Variants in FER1L6 observed in about 807,000 individuals in gnomAD.
The protein encoded by FER1L6 is fer-1-like protein 6.
Under a neutral mutation model 219.2 loss-of-function variants are expected in FER1L6, and 177 were observed. That is an observed-to-expected ratio of 0.81 (90% CI 0.71 to 0.91). The LOEUF is 0.91. FER1L6 is among the 40% of genes least tolerant of loss of function. The pLI, the probability that FER1L6 is intolerant of heterozygous loss-of-function variation, is 0.00. For synonymous variants in FER1L6, 768 were observed against 824.3 expected, an observed-to-expected ratio of 0.93 and a Z score of 1.17; for missense variants, 2,153 against 2,259.9, an observed-to-expected ratio of 0.95 and a Z score of 0.96.
chr8:124,038,834 C>T (rs2130722359), intron 19 of FER1L6, among the ~76,000 whole-genome samples: 1 of 152,232 alleles, frequency 6.6e-6, no homozygotes, highest in South Asian at 2.1e-4. Flanking sequence ...CAAGTTAGTC[C>T]ACAAGAGCTT....
At chr8:124,079,520 A>G (rs1821442997) in intron 32 of FER1L6, among the ~76,000 whole-genome samples, 1 of 152,198 alleles carries the variant, frequency 6.6e-6, no homozygotes, top group Non-Finnish European at 1.5e-5. Flanking sequence ...ACTGGAGACT[A>G]TAGTCAAGTA....
At chr8:124,054,498 A>G (rs780746980) in intron 22 of FER1L6, among the ~76,000 whole-genome samples, 2 of 152,108 alleles carry the variant, frequency 1.3e-5, no homozygotes, top group Non-Finnish European at 1.5e-5. Context: ...TTTTTTCACG[A>G]TAAGTGTTAA....
chr8:123,862,487 G>C lies in FER1L6; in HGVS notation c.-8+10302G>C, dbSNP rs367900869. On this transcript the variant is annotated intron_variant, in intron 1 of 40. Transcript: ENST00000522917. Reference sequence around the variant, plus strand: ...TGGCTTTGGTATCAGAATGATGCTGGCCTCATAAAATGAGTTAGGGAGGAT... The same window carrying C: ...TGGCTTTGGTATCAGAATGATGCTGCCCTCATAAAATGAGTTAGGGAGGAT... Among the ~76,000 whole-genome samples, 3 of 137,662 alleles carry C rather than the reference G, an allele frequency of 2.2e-5. No homozygotes were observed. The South Asian group carries it at 7.2e-4, about 33-fold the overall frequency. 90.3% of individuals were successfully genotyped at this position (137,662 alleles called of 152,430 possible).
chr8:123,866,419 CTT>C (rs1816839123), intron 1 of FER1L6, among the ~76,000 whole-genome samples: 1 of 151,988 alleles, frequency 6.6e-6, no homozygotes, highest in Non-Finnish European at 1.5e-5. Context: ...GCTTTCATAA[CTT>C]AGCTATTGTG....
intron 15 of FER1L6, among the ~76,000 whole-genome samples, chr8:124,017,198 G>A (rs544061908): frequency 6.6e-6 from 1 of 152,142 alleles, no homozygotes. Flanking sequence ...TCCAAAAAAT[G>A]TTACTACTCA....
intron 1 of FER1L6, among the ~76,000 whole-genome samples, chr8:123,909,123 A>C (rs924249084): frequency 1.3e-5 from 2 of 152,202 alleles, no homozygotes; most frequent in African/African-American, 4.8e-5. Flanking sequence ...GGATTTGATA[A>C]AACAACCACC....
intron 1 of FER1L6, among the ~76,000 whole-genome samples, chr8:123,935,947 CAAAAA>C (rs35857676): frequency 7.0e-6 from 1 of 143,142 alleles, no homozygotes; most frequent in African/African-American, 2.6e-5. Flanking sequence ...CTGGCTAATG[CAAAAA>C]AAAAAAAAAA....
chr8:123,856,316 G>GTGTATGTATATATATATATATATA (rs71576706), intron 1 of FER1L6, among the ~76,000 whole-genome samples: 1 of 45,112 alleles, frequency 2.2e-5, no homozygotes, highest in African/African-American at 8.7e-5. Context: ...ATATGTATGT[G>GTGTATGTATATATATATATATATA]TATATATATA....
At chr8:123,897,200 A>C (rs1305568013) in intron 1 of FER1L6, among the ~76,000 whole-genome samples, 1 of 151,958 alleles carries the variant, frequency 6.6e-6, no homozygotes. Flanking sequence ...GTAAACTCCT[A>C]CTCAGTCCCT....
Position 123,883,866 on chromosome 8 carries a change from C to A in FER1L6, c.-8+31681C>A, listed in dbSNP as rs114842165. ...CATGAGGGCTCTGTTCTCATGACTTCATCGCCTTTTAAACACCTCACCTCT... is the reference window on the plus strand; with the variant it reads ...CATGAGGGCTCTGTTCTCATGACTTAATCGCCTTTTAAACACCTCACCTCT... On this transcript the variant is annotated intron_variant, in intron 1 of 40. Coordinates refer to ENST00000522917, the MANE Select transcript of FER1L6 (RefSeq NM_001039112.2). Among the ~76,000 whole-genome samples the A allele has an allele frequency of 8.8e-3, 1,338 of 152,342 alleles. 16 individuals carry two copies. Among genetic ancestry groups the A allele is most frequent in the African/African-American group, 0.03 (1,252 of 41,562 alleles).
At chr8:124,034,971 T>A (rs1382313017) in intron 18 of FER1L6, among the ~76,000 whole-genome samples, 2 of 152,200 alleles carry the variant, frequency 1.3e-5, no homozygotes, top group Non-Finnish European at 2.9e-5. Flanking sequence ...TCCCCATTTA[T>A]CAAATGGTGG....
At chr8:123,865,783 G>GA (rs1308252358) in intron 1 of FER1L6, among the ~76,000 whole-genome samples, 3 of 151,420 alleles carry the variant, frequency 2.0e-5, no homozygotes, top group Non-Finnish European at 2.9e-5. Flanking sequence ...CTCGGAAAGG[G>GA]AACTCCCTGA....
At chr8:123,933,695 G>A (rs1406481632) in intron 1 of FER1L6, among the ~76,000 whole-genome samples, 1 of 152,154 alleles carries the variant, frequency 6.6e-6, no homozygotes, top group African/African-American at 2.4e-5. Flanking sequence ...CTCAATAAAC[G>A]ATCAAAGTGA....
At chr8:124,041,134 T>C (rs980228660) in intron 20 of FER1L6, among the ~76,000 whole-genome samples, 5 of 152,154 alleles carry the variant, frequency 3.3e-5, no homozygotes, top group African/African-American at 9.7e-5. Flanking sequence ...CAGTAAAGAA[T>C]TGCCCATCTC....
intron 1 of FER1L6, among the ~76,000 whole-genome samples, chr8:123,922,164 C>G (rs1041755836): frequency 2.0e-5 from 3 of 152,190 alleles, no homozygotes; most frequent in Non-Finnish European, 4.4e-5. Context: ...CCAACATGCA[C>G]CCGGTGCCCT....
intron 18 of FER1L6, among the ~76,000 whole-genome samples, chr8:124,025,023 C>CG (rs1309043056): frequency 6.6e-6 from 1 of 151,700 alleles, no homozygotes; most frequent in African/African-American, 2.4e-5. Flanking sequence ...GGTGTCTATT[C>CG]ATGTCTTTTA....
At position 124,113,196 on chromosome 8, in the gene FER1L6, A is replaced by G. The variant is rs144508344; in HGVS notation, c.5290-5648A>G. On this transcript the variant is annotated intron_variant, in intron 39 of 40. Transcript: ENST00000522917. ...TTTGTCCTCAACATTTATTCATTTA[A>G]AAAATTTGAGCACACAGAAAAGTTG... Among the ~76,000 whole-genome samples the G allele has an allele frequency of 7.0e-4, 106 of 152,304 alleles. No homozygotes were observed. In the East Asian group the frequency reaches 0.01, roughly 15 times the overall value.
At position 124,060,368 on chromosome 8, in the gene FER1L6, T is replaced by A. The variant is rs1820508595; in HGVS notation, c.2985+78T>A. The A allele has an allele frequency of 6.8e-6, 10 of 1,478,718 alleles. No individual in the cohort carries two copies. The South Asian group carries it at 1.0e-4, about 15-fold the overall frequency. The allele number at this position is 1,478,718 out of a possible 1,614,324, so 91.6% of individuals were successfully genotyped here. The stretch of plus-strand genomic sequence containing the variant: ...CCCACCTGAATTGTAGGAGAGGTGA[T>A]ATGGAATGGGCGGGAGACCTAGAGA... On this transcript the variant is annotated intron_variant, in intron 23 of 40. Transcript: ENST00000522917.
intron 1 of FER1L6, among the ~76,000 whole-genome samples, chr8:123,856,314 G>GTATATATATA (rs1330740126): frequency 2.2e-5 from 1 of 44,800 alleles, no homozygotes; most frequent in African/African-American, 8.6e-5. Context: ...ATATATGTAT[G>GTATATATATA]TGTATATATA....
Sources: allele counts gnomAD v4.1 joint callset (sites outside exome capture counted in the v4.1 genomes callset), GRCh38; gene constraint gnomAD v4.1.1; transcripts MANE v1.5; gene names NCBI Gene and HGNC (gene_info 2026-07-23, HGNC 2026-07-21).